The following METAP1 variants were observed in gnomAD, a reference collection of about 807,000 sequenced individuals.
METAP1 encodes the protein methionyl aminopeptidase 1.
Under a neutral mutation model 53.8 loss-of-function variants are expected in METAP1, and 28 were observed. That is an observed-to-expected ratio of 0.52 (90% CI 0.39 to 0.71). The LOEUF (loss-of-function observed/expected upper bound fraction) is 0.71. METAP1 is among the 30% of genes least tolerant of loss of function. The pLI, the probability that METAP1 is intolerant of heterozygous loss-of-function variation, is 0.00. For synonymous variants in METAP1, 181 were observed against 165.7 expected (o/e 1.09, Z -0.71); for missense variants, 389 against 479.8 (o/e 0.81, Z 1.77).
chr4:99,038,481 A>G (rs1244513210), intron 4 of METAP1, among the ~76,000 whole-genome samples: 1 of 151,958 alleles, frequency 6.6e-6, no homozygotes. Context: ...GGATGAATAG[A>G]TTTGTCAGTA....
chr4:99,033,204 G>A (rs2110342769), intron 2 of METAP1, among the ~76,000 whole-genome samples: 1 of 150,414 alleles, frequency 6.6e-6, no homozygotes, highest in African/African-American at 2.4e-5. Flanking sequence ...ATTCCATCTA[G>A]TTTCCTTCAT....
chr4:99,037,804 G>A (rs1019106125), intron 4 of METAP1: 1 of 151,818 alleles, frequency 6.6e-6, no homozygotes, highest in Non-Finnish European at 1.5e-5. Context: ...GTTTTTCCAT[G>A]TGAAATTTAG....
At chr4:99,034,175 C>A in intron 2 of METAP1, 55 bp from the exon 3 acceptor site, 1 of 1,086,756 alleles carries the variant, frequency 9.2e-7, no homozygotes, top group Non-Finnish European at 1.4e-6. Flanking sequence ...ACCACTGAAA[C>A]ATTCCTTTCC....
intron 1 of METAP1, among the ~76,000 whole-genome samples, chr4:99,003,517 A>C (rs1028758000): frequency 6.6e-6 from 1 of 152,210 alleles, no homozygotes; most frequent in African/African-American, 2.4e-5. Flanking sequence ...GACTATTAGA[A>C]TACTGTTAAC....
At chr4:98,997,863 C>T (rs1482134970) in intron 1 of METAP1, among the ~76,000 whole-genome samples, 4 of 152,202 alleles carry the variant, frequency 2.6e-5, no homozygotes, top group African/African-American at 9.7e-5. Flanking sequence ...CTGTTACCAC[C>T]TCCTATGGTC....
At chr4:99,041,643 A>G (rs1725876790) in intron 6 of METAP1, among the ~76,000 whole-genome samples, 1 of 152,072 alleles carries the variant, frequency 6.6e-6, no homozygotes, top group Non-Finnish European at 1.5e-5. Context: ...TGAATTTTAA[A>G]AAAAAGAGTG....
At chr4:99,020,310 T>A (rs1724020815) in intron 1 of METAP1, among the ~76,000 whole-genome samples, 1 of 152,156 alleles carries the variant, frequency 6.6e-6, no homozygotes, top group African/African-American at 2.4e-5. Flanking sequence ...TAAAGGGGCG[T>A]TCATGAATCC....
rs1018718103 is a variant in METAP1 at position 99,050,662 on chromosome 4, G to C, written c.931+1786G>C. On this transcript the variant is annotated intron_variant, in intron 9 of 10. Coordinates refer to ENST00000296411, the MANE Select transcript of METAP1 (RefSeq NM_015143.3). ...CTTTACCACCTGAGCTCCACCTGCT[G>C]TCAGATCAGCAGTGGCATTAGATTC... 3.3e-5 allele frequency among the ~76,000 whole-genome samples: 5 copies of C among 152,182 alleles called. No individual in the cohort carries two copies. The South Asian group carries it at 6.2e-4, about 19-fold the overall frequency.
intron 1 of METAP1, among the ~76,000 whole-genome samples, chr4:99,019,818 T>C (rs181703085): frequency 9.2e-5 from 14 of 152,340 alleles, no homozygotes; most frequent in African/African-American, 2.9e-4. Flanking sequence ...AATGTAATTT[T>C]AACATACCTT....
chr4:99,012,302 G>A (rs1299205104), intron 1 of METAP1, among the ~76,000 whole-genome samples: 2 of 135,540 alleles, frequency 1.5e-5, no homozygotes, highest in Non-Finnish European at 3.1e-5. Flanking sequence ...ACAGTGTCTC[G>A]CTCTGTCACC....
intron 1 of METAP1, among the ~76,000 whole-genome samples, chr4:99,019,646 A>G (rs1469856572): frequency 6.6e-6 from 1 of 152,174 alleles, no homozygotes; most frequent in Non-Finnish European, 1.5e-5. Context: ...ATTTGGTCCT[A>G]GTGAAATCTG....
At chr4:99,050,135 T>G (rs1726589784) in intron 9 of METAP1, among the ~76,000 whole-genome samples, 1 of 151,810 alleles carries the variant, frequency 6.6e-6, no homozygotes, top group Non-Finnish European at 1.5e-5. Flanking sequence ...TAAGTTTTGG[T>G]TGGGTGGAGA....
intron 1 of METAP1, chr4:99,026,974 TAATGAG>T: frequency 2.2e-6 from 1 of 447,666 alleles, no homozygotes; most frequent in East Asian, 1.6e-4. Flanking sequence ...TTAGTTTATT[TAATGAG>T]AATAATTCTA....
Position 99,062,622 on chromosome 4 carries a change from A to G in METAP1, c.*1305A>G, listed in dbSNP as rs1727617590. The stretch of plus-strand genomic sequence containing the variant: ...GTGCCTCAGACCTTATTGCTTTAAA[A>G]TATAATAATGTTTTCATTACTTTTA... On this transcript the variant is annotated 3_prime_UTR_variant, in exon 11 of 11. Coordinates refer to ENST00000296411, the MANE Select transcript of METAP1 (RefSeq NM_015143.3). The G allele has an allele frequency of 6.5e-6, 1 of 152,682 alleles. No individual in the cohort carries two copies. Among genetic ancestry groups the G allele is most frequent in the African/African-American group, 2.4e-5 (1 of 41,466 alleles). The allele number at this position is 152,682 out of a possible 1,614,324, so 9.5% of individuals were successfully genotyped here. A position where few individuals can be genotyped will look rare whatever the true frequency, so the allele number is the denominator to read the frequency against.
At chr4:99,034,179 C>G in intron 2 of METAP1, 51 bp from the exon 3 acceptor site, 3 of 1,116,572 alleles carry the variant, frequency 2.7e-6, no homozygotes, top group Non-Finnish European at 4.0e-6. Flanking sequence ...CTGAAACATT[C>G]CTTTCCCTCC....
intron 9 of METAP1, among the ~76,000 whole-genome samples, chr4:99,054,225 A>G (rs939603144): frequency 1.2e-4 from 18 of 152,182 alleles, no homozygotes; most frequent in Non-Finnish European, 2.4e-4. Context: ...AGCCACCTTC[A>G]TCAATTATCT....
chr4:99,033,350 TG>T (rs1187129761), intron 2 of METAP1, among the ~76,000 whole-genome samples: 3 of 152,094 alleles, frequency 2.0e-5, no homozygotes, highest in Admixed American at 6.6e-5. Flanking sequence ...CTGAGTGCAC[TG>T]GGAGATGTTT....
At chr4:99,032,964 A>G (rs1330275834) in intron 2 of METAP1, among the ~76,000 whole-genome samples, 1 of 152,206 alleles carries the variant, frequency 6.6e-6, no homozygotes, top group East Asian at 1.9e-4. Flanking sequence ...GTATAAATAT[A>G]TTCTTTTCCA....
chr4:98,995,937 C>T, intron 1 of METAP1, 70 bp downstream of exon 1: 3 of 1,268,852 alleles, frequency 2.4e-6, no homozygotes, highest in Non-Finnish European at 2.2e-6. Flanking sequence ...CTGCTGGCTC[C>T]TCCCGCCCTT....
Sources: allele counts gnomAD v4.1 joint callset (sites outside exome capture counted in the v4.1 genomes callset), GRCh38; gene constraint gnomAD v4.1.1; transcripts MANE v1.5; gene names NCBI Gene and HGNC (gene_info 2026-07-23, HGNC 2026-07-21).